Variants in PLEKHG2 observed in about 807,000 individuals in gnomAD.
PLEKHG2 encodes the protein pleckstrin homology domain-containing family G member 2.
PLEKHG2 carries 71 observed loss-of-function variants against 104.4 expected under a neutral mutation model. That is an observed-to-expected ratio of 0.68 (90% CI 0.56 to 0.83). The LOEUF is 0.83. PLEKHG2 is among the 40% of genes least tolerant of loss of function. The pLI, the probability that PLEKHG2 is intolerant of heterozygous loss-of-function variation, is 0.00. For synonymous variants in PLEKHG2, 728 were observed against 737.0 expected (o/e 0.99, Z 0.20); for missense variants, 1,730 against 1,809.4 (o/e 0.96, Z 0.80).
At position 39,427,740 on chromosome 19, in the gene PLEKHG2, C is replaced by T. The variant is rs567162558; in HGVS notation, c.*2446C>T. On this transcript the variant is annotated 3_prime_UTR_variant, in exon 19 of 19. Transcript: ENST00000425673. Reference sequence around the variant, plus strand: ...CGCTTTATATAAGCTCGTTCACTGTCCTCATTACATTCCTAATATGCAAGT... The same window carrying T: ...CGCTTTATATAAGCTCGTTCACTGTTCTCATTACATTCCTAATATGCAAGT... The T allele has an allele frequency of 5.2e-5, 8 of 152,500 alleles. No homozygotes were observed. The highest frequency in any genetic ancestry group is 1.9e-4 in the African/African-American group (8 of 41,562). 9.4% of individuals were successfully genotyped at this position (152,500 alleles called of 1,614,324 possible). A position where few individuals can be genotyped will look rare whatever the true frequency, so the allele number is the denominator to read the frequency against.
rs896112302 is a variant in PLEKHG2 at position 39,421,995 on chromosome 19, C to T, written c.1504-120C>T. On this transcript the variant is annotated intron_variant, in intron 16 of 18. Coordinates refer to ENST00000425673, the MANE Select transcript of PLEKHG2 (RefSeq NM_022835.3). ...TGGCGCCATTGCACTGCAGGCTGGGCGACAGAGCGAGACTCCATCTCAAAA... is the reference window on the plus strand; with the variant it reads ...TGGCGCCATTGCACTGCAGGCTGGGTGACAGAGCGAGACTCCATCTCAAAA... 49 of 1,086,466 alleles carry T rather than the reference C, an allele frequency of 4.5e-5. 1 individual carries two copies. The African/African-American group carries it at 6.4e-4, about 14-fold the overall frequency. The allele number at this position is 1,086,466 out of a possible 1,614,324, so 67.3% of individuals were successfully genotyped here.
chr19:39,427,733 T>C lies in PLEKHG2; in HGVS notation c.*2439T>C, dbSNP rs2037803253. On this transcript the variant is annotated 3_prime_UTR_variant, in exon 19 of 19. Coordinates refer to ENST00000425673, the MANE Select transcript of PLEKHG2 (RefSeq NM_022835.3). ...TTACAGCCGCTTTATATAAGCTCGT[T>C]CACTGTCCTCATTACATTCCTAATA... 6.6e-6 allele frequency: 1 copy of C among 152,362 alleles called. No individual in the cohort carries two copies. The highest frequency in any genetic ancestry group is 1.9e-4 in the East Asian group (1 of 5,204). The allele number at this position is 152,362 out of a possible 1,614,324, so 9.4% of individuals were successfully genotyped here.
chr19:39,416,418 A>G lies in PLEKHG2; in HGVS notation c.546+4A>G, dbSNP rs1600647929. ...TGCCGAGTGCTTCGTGCAGAGGGTG[A>G]GTGGAGGGGTGGGGGGCTCTCGGTC... On this transcript the variant is annotated splice_donor_region_variant and intron_variant, in intron 5 of 18. Coordinates refer to ENST00000425673, the MANE Select transcript of PLEKHG2 (RefSeq NM_022835.3). This position sits in a 1 kb window ranked among gnomAD's most constrained non-coding sequence, Gnocchi z 4.5. 1 of 1,584,314 alleles carries G rather than the reference A, an allele frequency of 6.3e-7. No homozygotes were observed. Among genetic ancestry groups the G allele is most frequent in the Non-Finnish European group, 8.6e-7 (1 of 1,167,282 alleles).
rs1389361789 is a variant in PLEKHG2, at chr19:39,414,337, A to G, written c.109+142A>G. 7.2e-6 allele frequency: 6 copies of G among 827,900 alleles called. 1 individual carries two copies. The allele number at this position is 827,900 out of a possible 1,614,324, so 51.3% of individuals were successfully genotyped here. ...GGGGAAGGCGGGCCCATCCCCAGGC[A>G]ATGACAGGCCAGAGGGGGCAGCGCT... On this transcript the variant is annotated intron_variant, in intron 2 of 18. Coordinates refer to ENST00000425673, the MANE Select transcript of PLEKHG2 (RefSeq NM_022835.3).
At chr19:39,418,228 GA>G in intron 9 of PLEKHG2, 123 bp downstream of exon 9, 2 of 810,776 alleles carry the variant, frequency 2.5e-6, no homozygotes, top group Non-Finnish European at 3.4e-6. Context: ...TTAGAGAATG[GA>G]AGCCAAGGGA....
intron 17 of PLEKHG2, 69 bp downstream of exon 17, chr19:39,422,357 A>G: frequency 2.0e-6 from 3 of 1,490,084 alleles, no homozygotes; most frequent in Non-Finnish European, 2.7e-6. Context: ...GGGACCAGAT[A>G]GGCCAGCCCA....
chr19:39,414,113 C>T lies in PLEKHG2; in HGVS notation c.27C>T (p.Ser9=), dbSNP rs764432990. The T allele has an allele frequency of 5.8e-6, 9 of 1,551,380 alleles. No homozygotes were observed. The African/African-American group carries it at 6.8e-5, about 12-fold the overall frequency. ...TGCCTGAGGGAGCCCAAGGACTGAG[C>T]CTCTCCAAACCTAGCCCAAGCCTCG... is the stretch of plus-strand genomic sequence containing the variant. MPEGAQGL[S]LSKPSPSLGC... is the part of the protein sequence containing the mutation. The change falls in exon 2 of 19, where the codon AGC becomes AGT. Residue 9 remains serine (S), a synonymous_variant. Transcript: ENST00000425673.
chr19:39,418,703 C>G, intron 9 of PLEKHG2, 31 bp from the exon 10 acceptor site: 1 of 1,582,194 alleles, frequency 6.3e-7, no homozygotes, highest in Admixed American at 1.7e-5. Flanking sequence ...CCCAAGGACT[C>G]TGAGCTTGCT....
At position 39,422,296 on chromosome 19, in the gene PLEKHG2, G is replaced by T. The variant is rs1279713747; in HGVS notation, c.1677+8G>T. On this transcript the variant is annotated splice_region_variant and intron_variant, in intron 17 of 18. Coordinates refer to ENST00000425673, the MANE Select transcript of PLEKHG2 (RefSeq NM_022835.3). ...GGCCTTCGAGATCCAGGGGTGAGCT[G>T]GCTGTCCCATCATGGTGTCCTTGGG... The T allele has an allele frequency of 1.2e-6, 2 of 1,607,884 alleles. No homozygotes were observed. Among genetic ancestry groups the T allele is most frequent in the Non-Finnish European group, 1.7e-6 (2 of 1,177,136 alleles).
At chr19:39,418,165 G>C in intron 9 of PLEKHG2, 60 bp downstream of exon 9, 2 of 1,335,162 alleles carry the variant, frequency 1.5e-6, no homozygotes, top group Non-Finnish European at 1.9e-6. Flanking sequence ...CCATATACCT[G>C]TATCTGTGTG....
chr19:39,423,017 C>T lies in PLEKHG2; in HGVS notation c.1963C>T (p.Arg655Cys), dbSNP rs373554388. 18 of 1,614,070 alleles carry T rather than the reference C, an allele frequency of 1.1e-5. No individual in the cohort carries two copies. Among genetic ancestry groups the T allele is most frequent in the African/African-American group, 8.0e-5 (6 of 74,932 alleles). ...CCGCTGTGAAATTCCCGAAGGTTCTCGCCTTCCTAGTCTCTCTGACATTTC... is the reference window on the plus strand; with the variant it reads ...CCGCTGTGAAATTCCCGAAGGTTCTTGCCTTCCTAGTCTCTCTGACATTTC... Reference protein sequence around the residue: ...PSRCEIPEGSRLPSLSDISDV... With the variant: ...PSRCEIPEGSCLPSLSDISDV... Residue 655 changes from arginine (R) to cysteine (C), a missense_variant, in exon 18 of 19, where the codon CGC (arginine) becomes TGC (cysteine). By Grantham distance (180) the Arg-to-Cys change is radical. Coordinates refer to ENST00000425673, the MANE Select transcript of PLEKHG2 (RefSeq NM_022835.3).
Position 39,415,375 on chromosome 19 carries a change from G to C in PLEKHG2, c.415G>C (p.Gly139Arg). The change falls in exon 4 of 19, where the codon GGG (glycine) becomes CGG (arginine). Residue 139 changes from glycine (G) to arginine (R), a missense_variant. Coordinates refer to ENST00000425673, the MANE Select transcript of PLEKHG2 (RefSeq NM_022835.3). This position sits in a 1 kb window ranked among gnomAD's most constrained non-coding sequence, Gnocchi z 4.6. ...LGPLLDGGVL[G>R]LSVEQVGTLF... The stretch of plus-strand genomic sequence containing the variant: ...CCCTCTGCTGGACGGCGGGGTCCTG[G>C]GGCTGAGCGTGGAGCAGGTGGGCAC... The C allele has an allele frequency of 6.2e-7, 1 of 1,614,160 alleles. No individual in the cohort carries two copies.
Position 39,416,779 on chromosome 19 carries a change from C to T in PLEKHG2, c.594-71C>T, listed in dbSNP as rs1568390697. The T allele has an allele frequency of 7.2e-6, 11 of 1,518,624 alleles. No homozygotes were observed. Among genetic ancestry groups the T allele is most frequent in the Non-Finnish European group, 9.8e-6 (11 of 1,124,944 alleles). The allele number at this position is 1,518,624 out of a possible 1,614,324, so 94.1% of individuals were successfully genotyped here. On this transcript the variant is annotated intron_variant, in intron 6 of 18. Coordinates refer to ENST00000425673, the MANE Select transcript of PLEKHG2 (RefSeq NM_022835.3). This position sits in a 1 kb window ranked among gnomAD's most constrained non-coding sequence, Gnocchi z 4.5. ...GACCCTGACCCTTCCCAAACCCTGG[C>T]CCCTCCCTAACCCCTCTTGACCCCG...
rs1195738875 is a variant in PLEKHG2 at position 39,427,133 on chromosome 19, C to T, written c.*1839C>T. On this transcript the variant is annotated 3_prime_UTR_variant, in exon 19 of 19. Transcript: ENST00000425673. ...CTCCGCTTCCCGGGTTCACGCCATT[C>T]TCCTGCCTCAGCCTCCCGAGTAGCT... The T allele has an allele frequency of 2.0e-5, 3 of 152,140 alleles. No homozygotes were observed. Among genetic ancestry groups the T allele is most frequent in the Non-Finnish European group, 4.4e-5 (3 of 68,094 alleles). The allele number at this position is 152,140 out of a possible 1,614,324, so 9.4% of individuals were successfully genotyped here. A position where few individuals can be genotyped will look rare whatever the true frequency, so the allele number is the denominator to read the frequency against.
rs1298400776 is a variant in PLEKHG2, at chr19:39,416,306, C to G, written c.480-42C>G. The G allele has an allele frequency of 1.9e-5, 30 of 1,605,000 alleles. No individual in the cohort carries two copies. The highest frequency in any genetic ancestry group is 2.5e-5 in the Non-Finnish European group (29 of 1,174,154). ...TCCTGGAGGCCTCCCATGGAGGGGT[C>G]GTGAAGGCAGGCGGTTCCTCACCCT... On this transcript the variant is annotated intron_variant, in intron 4 of 18. Transcript: ENST00000425673. The surrounding 1 kb of genome is among the most constrained non-coding windows in gnomAD (Gnocchi z 4.5).
chr19:39,420,426 G>C (rs1160323026), intron 11 of PLEKHG2, among the ~76,000 whole-genome samples, 200 bp from the exon 12 acceptor site: 1 of 152,136 alleles, frequency 6.6e-6, no homozygotes, highest in African/African-American at 2.4e-5. Flanking sequence ...TCAGGAGGGT[G>C]AGGTGGGAAG....
Position 39,416,631 on chromosome 19 carries a change from T to G in PLEKHG2, c.593+34T>G, listed in dbSNP as rs777199510. On this transcript the variant is annotated intron_variant, in intron 6 of 18. Coordinates refer to ENST00000425673, the MANE Select transcript of PLEKHG2 (RefSeq NM_022835.3). This position sits in a 1 kb window ranked among gnomAD's most constrained non-coding sequence, Gnocchi z 4.5. ...CAGGAGCCCCTGCTGGGCCTCAGGCTGTGCCCACAAGCTGATGTGCCAGTC... is the reference window on the plus strand; with the variant it reads ...CAGGAGCCCCTGCTGGGCCTCAGGCGGTGCCCACAAGCTGATGTGCCAGTC... The G allele has an allele frequency of 3.7e-6, 6 of 1,612,010 alleles. No homozygotes were observed. The Admixed American group carries it at 5.0e-5, about 13-fold the overall frequency.
rs766373299 is a variant in PLEKHG2, at chr19:39,416,594, C to T, written c.590C>T (p.Pro197Leu). 1.1e-5 allele frequency: 17 copies of T among 1,613,774 alleles called. No individual in the cohort carries two copies. The highest frequency in any genetic ancestry group is 2.7e-5 in the African/African-American group (2 of 74,872). ...DIYTLYCMNY[P>L]SSLALLRELS... The stretch of plus-strand genomic sequence containing the variant: ...TACACATTGTACTGCATGAACTACC[C>T]GAGGTGAGGGGCAGGAGCCCCTGCT... The change falls in exon 6 of 19, where the codon CCG becomes CTG. Residue 197 changes from proline (P) to leucine (L), a missense_variant. By Grantham distance (98) the Pro-to-Leu change is moderately conservative. Coordinates refer to ENST00000425673, the MANE Select transcript of PLEKHG2 (RefSeq NM_022835.3). This position sits in a 1 kb window ranked among gnomAD's most constrained non-coding sequence, Gnocchi z 4.5.
Position 39,423,515 on chromosome 19 carries a change from G to A in PLEKHG2, c.2461G>A (p.Ala821Thr). 6.3e-7 allele frequency: 1 copy of A among 1,576,512 alleles called. No homozygotes were observed. Among genetic ancestry groups the A allele is most frequent in the Non-Finnish European group, 8.6e-7 (1 of 1,159,538 alleles). ...GACGGCGTCCCGAGTGCGAGAGCTGGCCCGGCTTTACAGCGAGCGGATCCA... is the reference window on the plus strand; with the variant it reads ...GACGGCGTCCCGAGTGCGAGAGCTGACCCGGCTTTACAGCGAGCGGATCCA... The part of the protein sequence containing the change: ...ERTASRVREL[A>T]RLYSERIQQM... Residue 821 changes from alanine to threonine, a missense_variant, in exon 18 of 19, where the codon GCC becomes ACC. Transcript: ENST00000425673.
Sources: allele counts gnomAD v4.1 joint callset (sites outside exome capture counted in the v4.1 genomes callset), GRCh38; gene constraint gnomAD v4.1.1; non-coding constraint Gnocchi (gnomAD v3.1); transcripts MANE v1.5; gene names NCBI Gene and HGNC (gene_info 2026-07-23, HGNC 2026-07-21).